Variants in AGAP3 observed in about 807,000 individuals in gnomAD.
AGAP3 encodes ArfGAP with GTPase domain, ankyrin repeat and PH domain 3, also known as arf-GAP with GTPase, ANK repeat and PH domain-containing protein 3.
In AGAP3, 24 loss-of-function variants were observed where a neutral mutation model predicts 96.9. That is an observed-to-expected ratio of 0.25 (90% CI 0.18 to 0.35). AGAP3 has a LOEUF of 0.35. Ranked by LOEUF, AGAP3 falls within the 10% of genes least tolerant of loss-of-function variation. AGAP3 has a pLI of 1.00. For synonymous variants in AGAP3, 563 were observed against 536.1 expected (o/e 1.05, Z -0.69); for missense variants, 876 against 1,254.2 (o/e 0.70, Z 4.55).
chr7:151,133,528 G>A lies in AGAP3; in HGVS notation c.1327-872G>A, dbSNP rs1800477195. 6.6e-6 allele frequency among the ~76,000 whole-genome samples: 1 copy of A among 152,076 alleles called. No homozygotes were observed. Among genetic ancestry groups the A allele is most frequent in the Non-Finnish European group, 1.5e-5 (1 of 67,992 alleles). On this transcript the variant is annotated intron_variant, in intron 10 of 17. Coordinates refer to ENST00000397238, the MANE Select transcript of AGAP3 (RefSeq NM_031946.7). This position sits in a 1 kb window ranked among gnomAD's most constrained non-coding sequence, Gnocchi z 5.4. The stretch of plus-strand genomic sequence containing the variant: ...CTCCGGGGCCCTGACTTGAAAGCAG[G>A]GTGAGTCCCGGGCCCAGGACAGGCT...
chr7:151,115,334 G>A (rs1334586221), intron 1 of AGAP3: 20 of 1,016,064 alleles, frequency 2.0e-5, no homozygotes, highest in South Asian at 4.5e-5. Context: ...CGCTCAGGAA[G>A]AGCTTCAGCT....
rs1799659753 is a variant in AGAP3 at position 151,117,630 on chromosome 7, C to T, written c.565-6C>T. On this transcript the variant is annotated splice_region_variant and splice_polypyrimidine_tract_variant and intron_variant, in intron 4 of 17. Transcript: ENST00000397238. ...GCGGGTGCTAATTTTACTTGCTCTA[C>T]CCTAGTTTGCTGCCTGGGTGGATGC... The T allele has an allele frequency of 3.1e-6, 5 of 1,613,910 alleles. No homozygotes were observed. Among genetic ancestry groups the T allele is most frequent in the Non-Finnish European group, 4.2e-6 (5 of 1,179,864 alleles).
chr7:151,100,871 A>G (rs373691049), intron 1 of AGAP3, among the ~76,000 whole-genome samples: 1 of 152,064 alleles, frequency 6.6e-6, no homozygotes, highest in East Asian at 1.9e-4. Flanking sequence ...ATAATAATAA[A>G]TAGACCTGGC....
rs763255239 is a variant in AGAP3 at position 151,118,617 on chromosome 7, C to G, written c.954C>G (p.Ala318=). The G allele has an allele frequency of 1.2e-6, 2 of 1,613,342 alleles. No homozygotes were observed. The highest frequency in any genetic ancestry group is 1.3e-5 in the African/African-American group (1 of 74,910). Residue 318 remains alanine (A), a synonymous_variant, in exon 7 of 18, where the codon GCC becomes GCG. Coordinates refer to ENST00000397238, the MANE Select transcript of AGAP3 (RefSeq NM_031946.7). This position sits in a 1 kb window ranked among gnomAD's most constrained non-coding sequence, Gnocchi z 6.1. ...CCGTGTCCGCCGCCTCCATCCCGGC[C>G]GTGCACATCAACCAGGTTCGGCCTG... ...HSAVSAASIP[A]VHINQATNGG...
Position 151,114,721 on chromosome 7 carries a change from A to G in AGAP3, c.332-2072A>G, listed in dbSNP as rs1408293063. ...CCGGCCGCGGCCCCGGCCCGGGCCCAGCCCCGTGCCCCTCGCCATGGGCCT... is the reference window on the plus strand; with the variant it reads ...CCGGCCGCGGCCCCGGCCCGGGCCCGGCCCCGTGCCCCTCGCCATGGGCCT... On this transcript the variant is annotated intron_variant, in intron 1 of 17. Transcript: ENST00000397238. This position sits in a 1 kb window ranked among gnomAD's most constrained non-coding sequence, Gnocchi z 4.4. The G allele has an allele frequency of 1.0e-6, 1 of 1,003,658 alleles. No homozygotes were observed. The highest frequency in any genetic ancestry group is 1.2e-6 in the Non-Finnish European group (1 of 843,074). 62.2% of individuals were successfully genotyped at this position (1,003,658 alleles called of 1,614,324 possible). A position where few individuals can be genotyped will look rare whatever the true frequency, so the allele number is the denominator to read the frequency against.
In AGAP3 at chr7:151,118,005, G is replaced by C. The variant is rs1197952236; in HGVS notation, c.707-205G>C. The C allele has an allele frequency of 1.6e-5, 14 of 879,926 alleles. No homozygotes were observed. The highest frequency in any genetic ancestry group is 2.0e-5 in the Non-Finnish European group (12 of 586,238). 54.5% of individuals were successfully genotyped at this position (879,926 alleles called of 1,614,324 possible). ...TCTGTGTTTTTTTAGATGAATAAAC[G>C]TGCTCAGAGCTTAAGTGCTTGCTGG... On this transcript the variant is annotated intron_variant, in intron 5 of 17. Transcript: ENST00000397238. This position sits in a 1 kb window ranked among gnomAD's most constrained non-coding sequence, Gnocchi z 6.1.
Position 151,134,438 on chromosome 7 carries a change from G to T in AGAP3, c.1365G>T (p.Leu455=), listed in dbSNP as rs770222430. 1.2e-6 allele frequency: 2 copies of T among 1,613,574 alleles called. No individual in the cohort carries two copies. The highest frequency in any genetic ancestry group is 8.5e-7 in the Non-Finnish European group (1 of 1,180,020). Residue 455 remains leucine (L), a synonymous_variant, in exon 11 of 18, where the codon CTG becomes CTT. Coordinates refer to ENST00000397238, the MANE Select transcript of AGAP3 (RefSeq NM_031946.7). ...ACATCCACGGCAAGGAGATTGACCT[G>T]CTGCGGACAACGGTGAAAGTGCCAG... ...MQNIHGKEID[L]LRTTVKVPGK...
chr7:151,124,538 G>A (rs541391847), intron 9 of AGAP3, among the ~76,000 whole-genome samples: 79 of 152,344 alleles, frequency 5.2e-4, no homozygotes, highest in African/African-American at 1.9e-3. Context: ...AGGAGCTGGG[G>A]TGCCCATAAG....
chr7:151,097,935 C>T (rs1281605223), intron 1 of AGAP3, among the ~76,000 whole-genome samples: 2 of 152,156 alleles, frequency 1.3e-5, no homozygotes, highest in African/African-American at 4.8e-5. Flanking sequence ...GTTCATACCA[C>T]GTCTTCACAC....
Position 151,118,465 on chromosome 7 carries a change from T to A in AGAP3, c.842-40T>A, listed in dbSNP as rs2150474178. On this transcript the variant is annotated intron_variant, in intron 6 of 17. Coordinates refer to ENST00000397238, the MANE Select transcript of AGAP3 (RefSeq NM_031946.7). The surrounding 1 kb of genome is among the most constrained non-coding windows in gnomAD (Gnocchi z 6.1). ...GAGGTGCTAAGCCAGGCTTTTCCCT[T>A]CTCTCCAGTGGGTATAATTGACTCT... The A allele has an allele frequency of 6.2e-7, 1 of 1,607,338 alleles. No homozygotes were observed. Among genetic ancestry groups the A allele is most frequent in the Non-Finnish European group, 8.5e-7 (1 of 1,174,484 alleles).
rs1017456752 is a variant in AGAP3 at position 151,096,785 on chromosome 7, C to T, written c.331+9713C>T. 6.7e-6 allele frequency among the ~76,000 whole-genome samples: 1 copy of T among 149,420 alleles called. No individual in the cohort carries two copies. Among genetic ancestry groups the T allele is most frequent in the South Asian group, 2.1e-4 (1 of 4,702 alleles). On this transcript the variant is annotated intron_variant, in intron 1 of 17. Coordinates refer to ENST00000397238, the MANE Select transcript of AGAP3 (RefSeq NM_031946.7). This position sits in a 1 kb window ranked among gnomAD's most constrained non-coding sequence, Gnocchi z 4.4. The stretch of plus-strand genomic sequence containing the variant: ...CTGCGCCTGGCCTAAATTTTCTTTT[C>T]TTTTCTTTAACGAGACAGAGTCTTG...
chr7:151,113,290 C>A (rs932902308), intron 1 of AGAP3, among the ~76,000 whole-genome samples: 7 of 152,212 alleles, frequency 4.6e-5, no homozygotes, highest in African/African-American at 1.7e-4. Flanking sequence ...GTGGGGGGAA[C>A]ATGCATCCCA....
chr7:151,142,124 C>A lies in AGAP3; in HGVS notation c.1960-39C>A. ...GGACTGAAAGGGGCCTCATGACTGACCAACCGCCCCTTGTCTTGTCTCTCC... is the reference window on the plus strand; with the variant it reads ...GGACTGAAAGGGGCCTCATGACTGAACAACCGCCCCTTGTCTTGTCTCTCC... On this transcript the variant is annotated intron_variant, in intron 14 of 17. Coordinates refer to ENST00000397238, the MANE Select transcript of AGAP3 (RefSeq NM_031946.7). The surrounding 1 kb of genome is among the most constrained non-coding windows in gnomAD (Gnocchi z 7.5). The A allele has an allele frequency of 6.2e-7, 1 of 1,610,600 alleles. No individual in the cohort carries two copies. The highest frequency in any genetic ancestry group is 8.5e-7 in the Non-Finnish European group (1 of 1,177,866).
In AGAP3 at chr7:151,139,897, C is replaced by G; in HGVS notation, c.1667-82C>G. Reference sequence around the variant, plus strand: ...CCCAGCTACAGTTGGCAGGACTGGTCCTCTCCTCCTCCCAGTGCCCTGCGC... The same window carrying G: ...CCCAGCTACAGTTGGCAGGACTGGTGCTCTCCTCCTCCCAGTGCCCTGCGC... On this transcript the variant is annotated intron_variant, in intron 12 of 17. Transcript: ENST00000397238. The surrounding 1 kb of genome is among the most constrained non-coding windows in gnomAD (Gnocchi z 4.9). 6 of 1,300,002 alleles carry G rather than the reference C, an allele frequency of 4.6e-6. No individual in the cohort carries two copies. Among genetic ancestry groups the G allele is most frequent in the East Asian group, 3.0e-5 (1 of 33,018 alleles). 80.5% of individuals were successfully genotyped at this position (1,300,002 alleles called of 1,614,324 possible). A position where few individuals can be genotyped will look rare whatever the true frequency, so the allele number is the denominator to read the frequency against.
chr7:151,099,913 A>G (rs556902507), intron 1 of AGAP3, among the ~76,000 whole-genome samples: 4 of 152,386 alleles, frequency 2.6e-5, no homozygotes, highest in African/African-American at 9.6e-5. Flanking sequence ...TGTGTTGCAC[A>G]GAGGGAAGCT....
chr7:151,105,672 G>A (rs1799012357), intron 1 of AGAP3, among the ~76,000 whole-genome samples: 1 of 151,048 alleles, frequency 6.6e-6, no homozygotes, highest in Admixed American at 6.6e-5. Context: ...GGGCTGAGGT[G>A]GGAAGATCTC....
At chr7:151,089,917 AC>A (rs1482064467) in intron 1 of AGAP3, 2 of 152,196 alleles carry the variant, frequency 1.3e-5, no homozygotes, top group African/African-American at 4.8e-5. Flanking sequence ...CCAAGCGGAT[AC>A]AGCCAGGGAG....
At chr7:151,111,818 C>T (rs1186455755) in intron 1 of AGAP3, among the ~76,000 whole-genome samples, 1 of 152,136 alleles carries the variant, frequency 6.6e-6, no homozygotes, top group East Asian at 1.9e-4. Flanking sequence ...TGCCATGGAG[C>T]CTCTCAGCCC....
At chr7:151,116,060 G>A (rs923728880) in intron 1 of AGAP3, among the ~76,000 whole-genome samples, 1 of 152,212 alleles carries the variant, frequency 6.6e-6, no homozygotes, top group Non-Finnish European at 1.5e-5. Flanking sequence ...CCCAGCTAGA[G>A]AGGGGTTCCC....
Sources: gnomAD v4.1 joint callset for allele counts (sites outside exome capture counted in the v4.1 genomes callset) on GRCh38, gnomAD v4.1.1 for gene constraint, Gnocchi (gnomAD v3.1) non-coding constraint, MANE v1.5 for transcripts, NCBI Gene and HGNC (gene_info 2026-07-23, HGNC 2026-07-21) for gene names.